SLC22A13: variants seen among roughly 807,000 people sequenced by gnomAD.
The protein encoded by SLC22A13 is organic anion transporter 10.
A neutral mutation model predicts 49.1 loss-of-function variants in SLC22A13; 42 were observed. The observed-to-expected ratio is 0.85, with a 90% confidence interval of 0.67 to 1.11. SLC22A13 has a LOEUF of 1.11. Among genes scored for constraint, SLC22A13 ranks in the 50% least tolerant of loss-of-function variants. The pLI, the probability that SLC22A13 is intolerant of heterozygous loss-of-function variation, is 0.00. For synonymous variants in SLC22A13, 282 were observed against 293.1 expected, an observed-to-expected ratio of 0.96 and a Z score of 0.39; for missense variants, 694 against 712.8, an observed-to-expected ratio of 0.97 and a Z score of 0.30.
intron 6 of SLC22A13, 24 bp from the exon 7 acceptor site, chr3:38,275,858 C>G (rs761526603): frequency 6.2e-7 from 1 of 1,605,726 alleles, no homozygotes; most frequent in Non-Finnish European, 8.5e-7. Flanking sequence ...CCAGCAGTGA[C>G]AGGAACCCTT....
chr3:38,274,593 T>A lies in SLC22A13; in HGVS notation c.483-11T>A. 1 of 1,612,618 alleles carries A rather than the reference T, an allele frequency of 6.2e-7. No individual in the cohort carries two copies. Among genetic ancestry groups the A allele is most frequent in the East Asian group, 2.2e-5 (1 of 44,866 alleles). On this transcript the variant is annotated splice_polypyrimidine_tract_variant and intron_variant, in intron 2 of 9. Transcript: ENST00000311856. ...AGGGACCCTCCCCACAGACCTGCCC[T>A]GTTTCCTCAGGATTGGCCGCAAGGC...
At chr3:38,268,965 CA>C (rs918074997) in intron 1 of SLC22A13, among the ~76,000 whole-genome samples, 1 of 150,302 alleles carries the variant, frequency 6.7e-6, no homozygotes, top group Non-Finnish European at 1.5e-5. Flanking sequence ...AACAAACAAA[CA>C]AAAAAAACAG....
Position 38,276,399 on chromosome 3 carries a change from A to G in SLC22A13, c.1346+4A>G, listed in dbSNP as rs773754800. The G allele has an allele frequency of 1.9e-6, 3 of 1,594,972 alleles. No homozygotes were observed. The highest frequency in any genetic ancestry group is 2.6e-6 in the Non-Finnish European group (3 of 1,164,896). ...AGCTTTTCCCCACCATCCTCCGGTAAGAGCTGCAGTGTGACTCCTGCTCCT... is the reference window on the plus strand; with the variant it reads ...AGCTTTTCCCCACCATCCTCCGGTAGGAGCTGCAGTGTGACTCCTGCTCCT... On this transcript the variant is annotated splice_donor_region_variant and intron_variant, in intron 8 of 9. Coordinates refer to ENST00000311856, the MANE Select transcript of SLC22A13 (RefSeq NM_004256.4).
intron 1 of SLC22A13, among the ~76,000 whole-genome samples, chr3:38,273,630 T>C (rs1403934345): frequency 1.3e-5 from 2 of 152,102 alleles, no homozygotes; most frequent in South Asian, 2.1e-4. Flanking sequence ...TGTCACAGGG[T>C]TCCAAAATTT....
Position 38,276,902 on chromosome 3 carries a change from C to T in SLC22A13, c.1347-10C>T. The stretch of plus-strand genomic sequence containing the variant: ...CCAGGTCTACTTAGCTTGCCCTGGT[C>T]TTCCCCCAGGCAGACAGGCATGGGG... On this transcript the variant is annotated splice_polypyrimidine_tract_variant and intron_variant, in intron 8 of 9. Coordinates refer to ENST00000311856, the MANE Select transcript of SLC22A13 (RefSeq NM_004256.4). 1 of 1,612,096 alleles carries T rather than the reference C, an allele frequency of 6.2e-7. No homozygotes were observed. Among genetic ancestry groups the T allele is most frequent in the Non-Finnish European group, 8.5e-7 (1 of 1,179,176 alleles).
rs2125865166 is a variant in SLC22A13, at chr3:38,278,514, T to C, written c.*1049T>C. ...AACCTGTCCTACAGCTGGCAGCCCC[T>C]GACCCAACCAAGATGGCCTTCTTGG... On this transcript the variant is annotated 3_prime_UTR_variant, in exon 10 of 10. Transcript: ENST00000311856. Among the ~76,000 whole-genome samples the C allele has an allele frequency of 6.6e-6, 1 of 152,236 alleles. No individual in the cohort carries two copies. Among genetic ancestry groups the C allele is most frequent in the Middle Eastern group, 3.4e-3 (1 of 294 alleles).
chr3:38,270,073 T>G (rs1217957426), intron 1 of SLC22A13, among the ~76,000 whole-genome samples: 2 of 152,122 alleles, frequency 1.3e-5, no homozygotes, highest in Non-Finnish European at 2.9e-5. Flanking sequence ...CTGCATAGTA[T>G]TCCATGGTGT....
chr3:38,273,645 C>G (rs1414133648), intron 1 of SLC22A13, among the ~76,000 whole-genome samples: 1 of 152,120 alleles, frequency 6.6e-6, no homozygotes, highest in East Asian at 1.9e-4. Flanking sequence ...AAATTTGCAT[C>G]CTTATTGTGT....
At chr3:38,272,606 G>A (rs2125863310) in intron 1 of SLC22A13, among the ~76,000 whole-genome samples, 1 of 152,284 alleles carries the variant, frequency 6.6e-6, no homozygotes, top group African/African-American at 2.4e-5. Context: ...AACCAAACAG[G>A]ATAGAACTGG....
intron 4 of SLC22A13, 48 bp downstream of exon 4, chr3:38,275,205 TGTG>T (rs1480765313): frequency 9.9e-6 from 16 of 1,608,102 alleles, no homozygotes; most frequent in Non-Finnish European, 3.4e-6. Flanking sequence ...TTAGTTGTGT[TGTG>T]GTGGGGTTGC....
intron 1 of SLC22A13, among the ~76,000 whole-genome samples, chr3:38,269,545 A>C (rs1268474459): frequency 6.6e-6 from 1 of 152,140 alleles, no homozygotes; most frequent in African/African-American, 2.4e-5. Context: ...GGTGTGAGCC[A>C]CCGCGCCTGG....
At chr3:38,276,184 G>T in intron 7 of SLC22A13, 88 bp downstream of exon 7, 1 of 1,496,704 alleles carries the variant, frequency 6.7e-7, no homozygotes. Flanking sequence ...CTGCTTCCAG[G>T]AGTAAAGGCT....
At chr3:38,274,026 G>A (rs1370454321) in intron 1 of SLC22A13, among the ~76,000 whole-genome samples, 2 of 152,226 alleles carry the variant, frequency 1.3e-5, no homozygotes, top group East Asian at 1.9e-4. Context: ...GTGGTCTCAC[G>A]TTGAAAGCGT....
At position 38,275,670 on chromosome 3, in the gene SLC22A13, C is replaced by T. The variant is rs753550303; in HGVS notation, c.1020C>T (p.Val340=). Residue 340 remains valine (V), a splice_region_variant and synonymous_variant, in exon 6 of 10, where the codon GTC becomes GTT. Coordinates refer to ENST00000311856, the MANE Select transcript of SLC22A13 (RefSeq NM_004256.4). ...AGGTGACCCTGATTATCTTCTGTGT[C>T]TGGTGAGTGCCCAGAACCCGAGGAC... ...LRKVTLIIFC[V]WFVDSLGYYG... is the part of the protein sequence containing the mutation. The T allele has an allele frequency of 2.5e-6, 4 of 1,613,766 alleles. No homozygotes were observed. Among genetic ancestry groups the T allele is most frequent in the South Asian group, 1.1e-5 (1 of 91,048 alleles).
At chr3:38,272,055 C>T (rs1412284664) in intron 1 of SLC22A13, among the ~76,000 whole-genome samples, 5 of 152,190 alleles carry the variant, frequency 3.3e-5, no homozygotes, top group Admixed American at 3.3e-4. Context: ...AGAGCTCAGG[C>T]ATATCTCGGC....
Position 38,274,688 on chromosome 3 carries a change from G to A in SLC22A13, c.567G>A (p.Glu189=). The A allele has an allele frequency of 1.2e-6, 2 of 1,614,198 alleles. No homozygotes were observed. The highest frequency in any genetic ancestry group is 2.2e-5 in the East Asian group (1 of 44,878). Reference sequence around the variant, plus strand: ...CCACAGCTTTTGTGCCCAGCTTTGAGCTCTACATGGCCCTGCGCTTTGCTG... The same window carrying A: ...CCACAGCTTTTGTGCCCAGCTTTGAACTCTACATGGCCCTGCGCTTTGCTG... ...GLATAFVPSF[E]LYMALRFAVA... The change falls in exon 3 of 10, where the codon GAG becomes GAA. Residue 189 remains glutamate (E), a synonymous_variant. Coordinates refer to ENST00000311856, the MANE Select transcript of SLC22A13 (RefSeq NM_004256.4).
Position 38,275,141 on chromosome 3 carries a change from CTCT to C in SLC22A13, c.797_799del (p.Phe266del), listed in dbSNP as rs755574421. On this transcript the variant is annotated inframe_deletion, in exon 4 of 10. Transcript: ENST00000311856. ...CACCGGCACTGCGCCTGGCTTACTG[CTCT>C]TCTTCTACTTCTGGTGAGGAAAATA... is the stretch of plus-strand genomic sequence containing the variant. 9.9e-6 allele frequency: 16 copies of C among 1,614,204 alleles called. No individual in the cohort carries two copies. The African/African-American group carries it at 1.3e-4, about 13-fold the overall frequency.
At chr3:38,266,730 G>A (rs1198776596) in intron 1 of SLC22A13, among the ~76,000 whole-genome samples, 4 of 152,074 alleles carry the variant, frequency 2.6e-5, no homozygotes, top group African/African-American at 9.7e-5. Flanking sequence ...TTTCTCTCTA[G>A]GTCTCTGCCA....
chr3:38,276,545 G>C, intron 8 of SLC22A13, 150 bp downstream of exon 8: 1 of 633,040 alleles, frequency 1.6e-6, no homozygotes, highest in Non-Finnish European at 2.7e-6. Context: ...TAGAAATCTA[G>C]CCCAAGCCCT....
Sources: gnomAD v4.1 joint callset for allele counts (sites outside exome capture counted in the v4.1 genomes callset) on GRCh38, gnomAD v4.1.1 for gene constraint, MANE v1.5 for transcripts, NCBI Gene and HGNC (gene_info 2026-07-23, HGNC 2026-07-21) for gene names.